Variants in TXLNB observed in about 807,000 individuals in gnomAD.
TXLNB encodes the protein beta-taxilin.
A neutral mutation model predicts 57.4 loss-of-function variants in TXLNB; 37 were observed. That is an observed-to-expected ratio of 0.64 (90% CI 0.50 to 0.85). TXLNB has a LOEUF of 0.85. Ranked by LOEUF, TXLNB falls within the 40% of genes least tolerant of loss-of-function variation. The probability of loss-of-function intolerance (pLI) is 0.00; values close to 1 mark genes in which losing one functional copy is unlikely to be tolerated. For synonymous variants in TXLNB, 302 were observed against 309.6 expected, an observed-to-expected ratio of 0.98 and a Z score of 0.26; for missense variants, 848 against 825.6, an observed-to-expected ratio of 1.03 and a Z score of -0.33.
the TXLNB span, among the ~76,000 whole-genome samples, chr6:139,316,057 G>GA: frequency 9.2e-5 from 14 of 152,136 alleles, no homozygotes; most frequent in African/African-American, 3.4e-4. Flanking sequence ...ATGACAGGGA[G>GA]AAAAAATATT....
chr6:139,242,711 G>A lies in TXLNB; in HGVS notation c.1870C>T (p.Gln624Ter), dbSNP rs754802319. 6.8e-6 allele frequency: 11 copies of A among 1,612,562 alleles called. No individual in the cohort carries two copies. Among genetic ancestry groups the A allele is most frequent in the Non-Finnish European group, 9.3e-6 (11 of 1,179,502 alleles). The change falls in exon 10 of 10, where the codon CAG becomes TAG. Residue 624 changes from glutamine to a stop codon, truncating the protein, a stop_gained. Transcript: ENST00000358430. LOFTEE classifies it low-confidence loss of function (END_TRUNC). Reference protein sequence around the residue: ...APQAPTEASLQKMEADVPAPA... With the variant: ...APQAPTEASL ...GCAGGCACATCTGCCTCCATCTTCT[G>A]TAGGGAGGCCTCGGTGGGAGCCTGT...
the TXLNB span, among the ~76,000 whole-genome samples, chr6:139,191,430 A>T: frequency 1.1e-3 from 172 of 152,356 alleles, no homozygotes; most frequent in African/African-American, 4.1e-3. Context: ...AAAAAAAATA[A>T]AAATAAAAAA....
At chr6:139,316,996 T>C in the TXLNB span, among the ~76,000 whole-genome samples, 3 of 152,190 alleles carry the variant, frequency 2.0e-5, no homozygotes, top group African/African-American at 4.8e-5. Context: ...ATTCTGCAAC[T>C]CTTTTTTTCC....
chr6:139,177,075 T>G, the TXLNB span: 1 of 862,986 alleles, frequency 1.2e-6, no homozygotes, highest in Non-Finnish European at 2.0e-6. The surrounding 1 kb of genome is among the most constrained non-coding windows in gnomAD (Gnocchi z 4.9). Flanking sequence ...TGAAGCCATT[T>G]TCCTCCTTCA....
chr6:139,261,583 T>C (rs1776482996), intron 5 of TXLNB, among the ~76,000 whole-genome samples: 1 of 152,086 alleles, frequency 6.6e-6, no homozygotes, highest in South Asian at 2.1e-4. Flanking sequence ...AATATTAAAA[T>C]ATAATTTGGG....
chr6:139,235,628 T>C (rs1327415668), downstream of TXLNB, among the ~76,000 whole-genome samples: 2 of 152,008 alleles, frequency 1.3e-5, no homozygotes, highest in East Asian at 3.9e-4. Context: ...GTTCTTATGA[T>C]AGTGATATGG....
the TXLNB span, chr6:139,197,662 G>A: frequency 6.6e-6 from 1 of 152,212 alleles, no homozygotes; most frequent in East Asian, 1.9e-4. Context: ...TATTAAGTCA[G>A]TGTCTTAGTC....
chr6:139,166,770 AGGCAGT>A, the TXLNB span: 9 of 1,613,800 alleles, frequency 5.6e-6, no homozygotes, highest in Admixed American at 1.7e-5. Flanking sequence ...TCCCAGGAGA[AGGCAGT>A]GGGTGCCGCA....
chr6:139,223,257 T>C, the TXLNB span, among the ~76,000 whole-genome samples: 13 of 152,196 alleles, frequency 8.5e-5, no homozygotes, highest in Non-Finnish European at 1.6e-4. Context: ...ATATTTTGAA[T>C]GGAGTGATAA....
the TXLNB span, among the ~76,000 whole-genome samples, chr6:139,213,975 G>C: frequency 2.6e-5 from 4 of 152,166 alleles, no homozygotes; most frequent in Non-Finnish European, 5.9e-5. Flanking sequence ...CTGAAATTGA[G>C]GCAATAATTA....
chr6:139,267,049 AT>A lies in TXLNB; in HGVS notation c.687+3406del, dbSNP rs1477316763. On this transcript the variant is annotated intron_variant, in intron 4 of 9. Coordinates refer to ENST00000358430, the MANE Select transcript of TXLNB (RefSeq NM_153235.4). ...AATTTAGCCTTCAATTAAAAAAAAA[AT>A]AAAGATGTTTTAAAGATAAAAGGCA... Among the ~76,000 whole-genome samples the A allele has an allele frequency of 2.1e-4, 32 of 151,602 alleles. 1 individual carries two copies. Among genetic ancestry groups the A allele is most frequent in the South Asian group, 1.7e-3 (8 of 4,822 alleles).
chr6:139,284,483 G>A lies in TXLNB; in HGVS notation c.424+3993C>T, dbSNP rs965854175. On this transcript the variant is annotated intron_variant, in intron 2 of 9. Transcript: ENST00000358430. ...CTGGAGGTTGTAGTGAGCCGAAATC[G>A]CGCCACTGCACTCCAGCCTGGCAAC... Among the ~76,000 whole-genome samples the A allele has an allele frequency of 6.9e-5, 10 of 145,090 alleles. 1 individual carries two copies. Among genetic ancestry groups the A allele is most frequent in the African/African-American group, 1.5e-4 (6 of 39,360 alleles).
chr6:139,243,000 T>C lies in TXLNB; in HGVS notation c.1581A>G (p.Ile527Met). ...CGTCAGCACTCTCCTGAGAACTGCC[T>C]ATTTCGGGTTGGGTTTCTTTGGACT... is the stretch of plus-strand genomic sequence containing the variant. ...PHQSKETQPE[I>M]GSSQESADAA... The change falls in exon 10 of 10, where the codon ATA (isoleucine) becomes ATG (methionine). Residue 527 changes from isoleucine to methionine, a missense_variant. Ile to Met is a conservative substitution (Grantham distance 10). Transcript: ENST00000358430. The C allele has an allele frequency of 6.2e-7, 1 of 1,614,148 alleles. No individual in the cohort carries two copies. The highest frequency in any genetic ancestry group is 8.5e-7 in the Non-Finnish European group (1 of 1,180,024).
At chr6:139,199,911 C>T in the TXLNB span, 3 of 152,132 alleles carry the variant, frequency 2.0e-5, no homozygotes, top group East Asian at 1.9e-4. Flanking sequence ...AGCGATTTCT[C>T]GTATCTCTAA....
At chr6:139,310,733 C>T in the TXLNB span, among the ~76,000 whole-genome samples, 5 of 152,042 alleles carry the variant, frequency 3.3e-5, no homozygotes, top group African/African-American at 1.2e-4. Context: ...CTCACTCTGT[C>T]GCCCAGGCTG....
the TXLNB span, among the ~76,000 whole-genome samples, chr6:139,301,202 CT>C: frequency 6.6e-6 from 1 of 152,190 alleles, no homozygotes; most frequent in African/African-American, 2.4e-5. Flanking sequence ...AAATCATGGT[CT>C]CTGTGGAAAG....
the TXLNB span, among the ~76,000 whole-genome samples, chr6:139,313,895 A>G: frequency 1.3e-5 from 2 of 152,154 alleles, no homozygotes; most frequent in Non-Finnish European, 2.9e-5. Flanking sequence ...GCCATGATGG[A>G]AAGAGGGAGT....
chr6:139,212,295 C>G, the TXLNB span, among the ~76,000 whole-genome samples: 1 of 152,120 alleles, frequency 6.6e-6, no homozygotes, highest in Non-Finnish European at 1.5e-5. Context: ...AGAAACTCTA[C>G]AAGCCAGAAG....
At chr6:139,261,369 G>A (rs1289639552) in intron 5 of TXLNB, among the ~76,000 whole-genome samples, 1 of 152,078 alleles carries the variant, frequency 6.6e-6, no homozygotes, top group East Asian at 1.9e-4. Flanking sequence ...ACTATTAGGA[G>A]TTTCTTGATT....
Sources: allele counts gnomAD v4.1 joint callset (sites outside exome capture counted in the v4.1 genomes callset), GRCh38; gene constraint gnomAD v4.1.1; non-coding constraint Gnocchi (gnomAD v3.1); transcripts MANE v1.5; gene names NCBI Gene and HGNC (gene_info 2026-07-23, HGNC 2026-07-21).